ZFHX3: variants seen among roughly 807,000 people sequenced by gnomAD.
The protein encoded by ZFHX3 is zinc finger homeobox protein 3.
A neutral mutation model predicts 279.1 loss-of-function variants in ZFHX3; 42 were observed. The ratio of observed to expected loss-of-function variants is 0.15; its 90% CI spans 0.12 to 0.19. ZFHX3 has a LOEUF of 0.19. Ranked by LOEUF, ZFHX3 falls within the 10% of genes least tolerant of loss-of-function variation. ZFHX3 has a pLI of 1.00. For missense variants in ZFHX3, 4,981 were observed against 4,754.0 expected, an observed-to-expected ratio of 1.05 and a Z score of -1.40; for synonymous variants, 2,293 against 1,957.8, an observed-to-expected ratio of 1.17 and a Z score of -4.52.
intron 5 of ZFHX3, among the ~76,000 whole-genome samples, chr16:73,192,653 T>C (rs1288582669): frequency 6.6e-6 from 1 of 152,222 alleles, no homozygotes; most frequent in Non-Finnish European, 1.5e-5. Context: ...GAGTGAGGGC[T>C]GATCCTGTTT....
chr16:73,619,185 G>A (rs1357580593), intron 2 of ZFHX3, among the ~76,000 whole-genome samples: 1 of 151,948 alleles, frequency 6.6e-6, no homozygotes, highest in Non-Finnish European at 1.5e-5. Flanking sequence ...GCACTATGGA[G>A]AAAATAAAAA....
intron 5 of ZFHX3, among the ~76,000 whole-genome samples, chr16:73,196,002 A>G (rs775397926): frequency 3.5e-4 from 53 of 152,288 alleles, no homozygotes; most frequent in Non-Finnish European, 6.5e-4. Flanking sequence ...CCGTGTACAT[A>G]TTAGGTACTC....
chr16:73,451,124 C>T (rs1309078928), intron 3 of ZFHX3, among the ~76,000 whole-genome samples: 1 of 152,168 alleles, frequency 6.6e-6, no homozygotes, highest in Non-Finnish European at 1.5e-5. Flanking sequence ...ATGATGCTGC[C>T]TCAGTGGGTG....
intron 5 of ZFHX3, chr16:73,144,259 C>T (rs552086012): frequency 6.3e-6 from 1 of 157,820 alleles, no homozygotes; most frequent in African/African-American, 2.4e-5. Flanking sequence ...GCATTTCTCC[C>T]CGTCTATCCC....
chr16:73,613,331 T>G (rs2052265837), intron 2 of ZFHX3, among the ~76,000 whole-genome samples: 1 of 152,164 alleles, frequency 6.6e-6, no homozygotes, highest in South Asian at 2.1e-4. Flanking sequence ...TTTTCCTTAA[T>G]GTTCGTAAAA....
rs1468882581 is a variant in ZFHX3, at chr16:73,571,321, G to T, written c.-1547+108859C>A. On this transcript the variant is annotated intron_variant, in intron 2 of 17. Transcript: ENST00000641206. ...GCTCAGATAGTATTAAAGTAAAAAT[G>T]AACGAAAAAGCTTAGTTCTTTTGTG... Among the ~76,000 whole-genome samples the T allele has an allele frequency of 2.6e-5, 4 of 151,978 alleles. No individual in the cohort carries two copies. In the East Asian group the frequency reaches 7.7e-4, roughly 29 times the overall value.
chr16:73,574,593 G>A (rs2051780474), intron 2 of ZFHX3, among the ~76,000 whole-genome samples: 3 of 152,152 alleles, frequency 2.0e-5, no homozygotes, highest in Admixed American at 2.0e-4. Context: ...GACTTGTGTG[G>A]TTTCTACAGC....
intron 5 of ZFHX3, among the ~76,000 whole-genome samples, chr16:73,237,962 C>T (rs904486271): frequency 2.6e-5 from 4 of 152,162 alleles, no homozygotes; most frequent in Admixed American, 2.6e-4. Flanking sequence ...CTACCCAGGG[C>T]TATCTGCTTT....
chr16:73,481,825 C>A (rs1357533074), intron 2 of ZFHX3, among the ~76,000 whole-genome samples: 1 of 152,030 alleles, frequency 6.6e-6, no homozygotes, highest in African/African-American at 2.4e-5. Context: ...AGTTTCTTCA[C>A]CCTTTTGTTT....
At chr16:73,546,662 GTGCTGCTGTTGCTGCTGCTGCTGC>G (rs1311721506) in intron 2 of ZFHX3, among the ~76,000 whole-genome samples, 39 of 145,454 alleles carry the variant, frequency 2.7e-4, no homozygotes, top group South Asian at 6.7e-4. Context: ...AAAGCTTTGG[GTGCTGCTGTTGCTGCTGCTGCTGC>G]TGCTGCTGCT....
At position 73,192,609 on chromosome 16, in the gene ZFHX3, C is replaced by G. The variant is rs147525404; in HGVS notation, c.-1103-48778G>C. Among the ~76,000 whole-genome samples the G allele has an allele frequency of 5.8e-4, 88 of 152,300 alleles. No individual in the cohort carries two copies. In the East Asian group the frequency reaches 0.016, roughly 27 times the overall value. On this transcript the variant is annotated intron_variant, in intron 5 of 17. Transcript: ENST00000641206. ...ACAGAATCACAGGCCTAGAAAAAGA[C>G]TTCTTGGATGGCTCCTCTGTGCTAG...
chr16:73,634,086 A>G (rs1261603406), intron 2 of ZFHX3, among the ~76,000 whole-genome samples: 1 of 152,188 alleles, frequency 6.6e-6, no homozygotes, highest in East Asian at 1.9e-4. Context: ...TGAACAAAAT[A>G]TATTATCAAA....
chr16:73,176,846 G>C (rs770361360), intron 5 of ZFHX3, among the ~76,000 whole-genome samples: 14 of 151,932 alleles, frequency 9.2e-5, no homozygotes, highest in Non-Finnish European at 2.1e-4. Flanking sequence ...ATGAGAACAA[G>C]CACAAGGCTT....
At position 72,795,127 on chromosome 16, in the gene ZFHX3, G is replaced by T; in HGVS notation, c.7555C>A (p.Gln2519Lys). ...AGCTGAGGAGGTAGGTTTGCGAGCT[G>T]TTGAGGAGTTGATGTGTGGAGGGGC... ...LKPLHTSTPQ[Q>K]LANLPPQLIP... Residue 2519 changes from glutamine (Q) to lysine (K), a missense_variant, in exon 9 of 10, where the codon CAG becomes AAG. Physicochemically the swap from Gln to Lys is moderately conservative, Grantham distance 53. Around this residue, in one of 7 missense-constraint regions of ZFHX3, gnomAD observed 744 missense variants for 701.3 expected, o/e 1.06. Transcript: ENST00000268489. 1.9e-6 allele frequency: 3 copies of T among 1,613,878 alleles called. No homozygotes were observed. The highest frequency in any genetic ancestry group is 2.5e-6 in the Non-Finnish European group (3 of 1,180,000).
intron 3 of ZFHX3, among the ~76,000 whole-genome samples, chr16:72,915,045 C>A (rs1365341003): frequency 6.6e-6 from 1 of 152,118 alleles, no homozygotes; most frequent in Non-Finnish European, 1.5e-5. Flanking sequence ...AAGTAGCCTA[C>A]GTTATTCAAA....
At chr16:72,913,681 A>C (rs926798173) in intron 3 of ZFHX3, among the ~76,000 whole-genome samples, 3 of 152,218 alleles carry the variant, frequency 2.0e-5, no homozygotes, top group African/African-American at 7.2e-5. Flanking sequence ...CCCACACTTA[A>C]GGGCAGGGGA....
chr16:73,746,033 T>C (rs1458259182), intron 1 of ZFHX3, among the ~76,000 whole-genome samples: 1 of 152,136 alleles, frequency 6.6e-6, no homozygotes, highest in Non-Finnish European at 1.5e-5. Context: ...GATTTCAAAT[T>C]CCCTCTATTT....
At chr16:73,497,807 AG>A (rs1219482918) in intron 2 of ZFHX3, among the ~76,000 whole-genome samples, 4 of 152,228 alleles carry the variant, frequency 2.6e-5, no homozygotes, top group African/African-American at 9.6e-5. Flanking sequence ...TGCTGGAGAA[AG>A]GAGAAAGGAT....
chr16:72,844,079 T>G (rs1017844086), intron 4 of ZFHX3, among the ~76,000 whole-genome samples: 1 of 152,120 alleles, frequency 6.6e-6, no homozygotes, highest in Non-Finnish European at 1.5e-5. Context: ...AAGGGGGGAA[T>G]CCCAGAAGTA....
Sources: allele counts gnomAD v4.1 joint callset (sites outside exome capture counted in the v4.1 genomes callset), GRCh38; gene constraint gnomAD v4.1.1; regional missense constraint gnomAD v4.1.1; transcripts MANE v1.5; gene names NCBI Gene and HGNC (gene_info 2026-07-23, HGNC 2026-07-21).